Variants in RAD54L2 observed in about 807,000 individuals in gnomAD.
The protein encoded by RAD54L2 is RAD54 like 2.
Under a neutral mutation model 138.4 loss-of-function variants are expected in RAD54L2, and 27 were observed. The observed-to-expected ratio is 0.20, with a 90% confidence interval of 0.14 to 0.27. RAD54L2 has a LOEUF of 0.27. Among genes scored for constraint, RAD54L2 ranks in the 10% least tolerant of loss-of-function variants. The pLI is 1.00. For synonymous variants in RAD54L2, 644 were observed against 723.2 expected (o/e 0.89, Z 1.76); for missense variants, 1,396 against 1,890.2 (o/e 0.74, Z 4.85).
chr3:51,608,107 A>G (rs1367227326), intron 3 of RAD54L2, among the ~76,000 whole-genome samples: 185 of 149,784 alleles, frequency 1.2e-3, no homozygotes, highest in Non-Finnish European at 2.2e-3. Context: ...CTCACTTCTC[A>G]GACGGGGCGG....
At chr3:51,570,204 C>A (rs975007510) in intron 2 of RAD54L2, among the ~76,000 whole-genome samples, 1 of 137,930 alleles carries the variant, frequency 7.3e-6, no homozygotes, top group African/African-American at 2.8e-5. Flanking sequence ...AGTGCAGTGG[C>A]GCGATCTCAG....
intron 3 of RAD54L2, among the ~76,000 whole-genome samples, chr3:51,623,521 G>T (rs773246364): frequency 2.6e-4 from 40 of 152,274 alleles, no homozygotes; most frequent in Middle Eastern, 6.8e-3. Flanking sequence ...GCTCAGAGAA[G>T]TTGCATCCAT....
At chr3:51,604,002 A>G (rs1368202462) in intron 3 of RAD54L2, among the ~76,000 whole-genome samples, 4 of 152,242 alleles carry the variant, frequency 2.6e-5, no homozygotes, top group Non-Finnish European at 5.9e-5. Context: ...TAGGGAAACC[A>G]GCTAGGAAGA....
chr3:51,657,175 A>T (rs905920781), intron 20 of RAD54L2, among the ~76,000 whole-genome samples: 15 of 152,190 alleles, frequency 9.9e-5, no homozygotes, highest in African/African-American at 3.6e-4. Context: ...GTGTGGGGTA[A>T]TGCCAGCAAG....
At chr3:51,599,533 T>A (rs1048934183) in intron 3 of RAD54L2, among the ~76,000 whole-genome samples, 2 of 151,844 alleles carry the variant, frequency 1.3e-5, no homozygotes, top group African/African-American at 4.8e-5. Context: ...TGAAAAAAAA[T>A]AATCCAAGTA....
At chr3:51,589,580 T>A (rs1360501459) in intron 2 of RAD54L2, among the ~76,000 whole-genome samples, 1 of 151,632 alleles carries the variant, frequency 6.6e-6, no homozygotes, top group Non-Finnish European at 1.5e-5. Flanking sequence ...TGGGAAAAAT[T>A]TAAAATTTGA....
chr3:51,615,432 A>G (rs567961073), intron 3 of RAD54L2, among the ~76,000 whole-genome samples: 10 of 152,364 alleles, frequency 6.6e-5, no homozygotes, highest in South Asian at 6.2e-4. Context: ...ATAAATAAAC[A>G]TATTGAATAA....
Position 51,660,008 on chromosome 3 carries a change from C to T in RAD54L2, c.3317-18C>T. On this transcript the variant is annotated intron_variant, in intron 21 of 22. Transcript: ENST00000684192. ...TTATATGTCTGCCTCTAACTGTCTT[C>T]TTCGTGTCTATTCTTAGGGACGTAC... The T allele has an allele frequency of 6.4e-7, 1 of 1,558,992 alleles. No individual in the cohort carries two copies. Among genetic ancestry groups the T allele is most frequent in the Non-Finnish European group, 8.8e-7 (1 of 1,138,684 alleles).
At chr3:51,575,218 G>T (rs1390508956) in intron 2 of RAD54L2, among the ~76,000 whole-genome samples, 1 of 152,088 alleles carries the variant, frequency 6.6e-6, no homozygotes, top group African/African-American at 2.4e-5. Context: ...TCTCTGTTTT[G>T]GTACGGGTAC....
intron 2 of RAD54L2, among the ~76,000 whole-genome samples, chr3:51,571,808 C>G (rs573221295): frequency 2.7e-4 from 41 of 152,160 alleles, no homozygotes; most frequent in African/African-American, 8.9e-4. Flanking sequence ...TTATTTTCCA[C>G]TTATAGAAAT....
rs35274115 is a variant in RAD54L2 at position 51,586,567 on chromosome 3, CT to C, written c.-54-3782del. 5.7e-3 allele frequency among the ~76,000 whole-genome samples: 774 copies of C among 136,816 alleles called. 1 individual carries two copies. The highest frequency in any genetic ancestry group is 0.013 in the African/African-American group (470 of 37,564). 89.8% of individuals were successfully genotyped at this position (136,816 alleles called of 152,430 possible). ...AGCCAAGCACACTGCAAAGAAAACACTTTTTTTTTTTTTTTTTTGAGATGGA... is the reference window on the plus strand; with the variant it reads ...AGCCAAGCACACTGCAAAGAAAACACTTTTTTTTTTTTTTTTTGAGATGGA... On this transcript the variant is annotated intron_variant, in intron 2 of 22. Coordinates refer to ENST00000684192, the MANE Select transcript of RAD54L2 (RefSeq NM_015106.4).
At position 51,666,145 on chromosome 3, in the gene RAD54L2, T is replaced by C. The variant is rs1304523369; in HGVS notation, c.*2725T>C. On this transcript the variant is annotated 3_prime_UTR_variant, in exon 23 of 23. Coordinates refer to ENST00000684192, the MANE Select transcript of RAD54L2 (RefSeq NM_015106.4). ...GGGTTGGGGGTGGGATCATGGGAAA[T>C]TGGAGTGCTACCAGGTCCATGGTTT... 1 of 144,504 alleles carries C rather than the reference T, an allele frequency of 6.9e-6. No individual in the cohort carries two copies. The highest frequency in any genetic ancestry group is 1.5e-5 in the Non-Finnish European group (1 of 67,064). The allele number at this position is 144,504 out of a possible 1,614,324, so 9.0% of individuals were successfully genotyped here.
intron 3 of RAD54L2, among the ~76,000 whole-genome samples, chr3:51,607,881 C>T (rs1463365266): frequency 1.4e-5 from 2 of 139,452 alleles, no homozygotes; most frequent in South Asian, 2.4e-4. Context: ...GGCGGCCGGG[C>T]GGGGGCTGCC....
At chr3:51,578,120 AT>A (rs1043067947) in intron 2 of RAD54L2, among the ~76,000 whole-genome samples, 1 of 150,796 alleles carries the variant, frequency 6.6e-6, no homozygotes, top group African/African-American at 2.4e-5. Flanking sequence ...CCTTGTAGCT[AT>A]TTTTTCCCCC....
At chr3:51,602,544 A>G (rs1358447513) in intron 3 of RAD54L2, among the ~76,000 whole-genome samples, 1 of 152,164 alleles carries the variant, frequency 6.6e-6, no homozygotes, top group African/African-American at 2.4e-5. Context: ...GTCGGCTTGG[A>G]GTCGAAGTTG....
Position 51,592,054 on chromosome 3 carries a change from G to GTTTTTTTTTTTTTTTTTTTTTTT in RAD54L2, c.139+1502_139+1524dup, listed in dbSNP as rs71084151. Among the ~76,000 whole-genome samples the GTTTTTTTTTTTTTTTTTTTTTTT allele has an allele frequency of 3.0e-5, 2 of 66,824 alleles. 1 individual carries two copies. The highest frequency in any genetic ancestry group is 1.2e-4 in the African/African-American group (2 of 16,490). The allele number at this position is 66,824 out of a possible 152,430, so 43.8% of individuals were successfully genotyped here. On this transcript the variant is annotated intron_variant, in intron 3 of 22. Transcript: ENST00000684192. ...TGTAGCTGTGCAATTTGGTTTTGGTGTTTTTTTTTTTTTTTTTTTTTTTTT... is the reference window on the plus strand; with the variant it reads ...TGTAGCTGTGCAATTTGGTTTTGGTGTTTTTTTTTTTTTTTTTTTTTTTTTTTTTTTTTTTTTTTTTTTTTTTT...
chr3:51,622,746 T>C (rs1700593997), intron 3 of RAD54L2, among the ~76,000 whole-genome samples: 1 of 152,126 alleles, frequency 6.6e-6, no homozygotes. Flanking sequence ...GGGGTTGACT[T>C]CTGTACCAGC....
intron 2 of RAD54L2, among the ~76,000 whole-genome samples, chr3:51,554,126 CAA>C (rs1428869877): frequency 6.6e-6 from 1 of 152,032 alleles, no homozygotes; most frequent in Non-Finnish European, 1.5e-5. Flanking sequence ...TTTCCTATCA[CAA>C]AAGAGATCTC....
At chr3:51,604,507 G>C (rs1347115325) in intron 3 of RAD54L2, among the ~76,000 whole-genome samples, 2 of 152,180 alleles carry the variant, frequency 1.3e-5, no homozygotes, top group Non-Finnish European at 2.9e-5. Flanking sequence ...TGGTGGCTTA[G>C]AGCATGGACC....
Sources: gnomAD v4.1 joint callset for allele counts (sites outside exome capture counted in the v4.1 genomes callset) on GRCh38, gnomAD v4.1.1 for gene constraint, MANE v1.5 for transcripts, NCBI Gene and HGNC (gene_info 2026-07-23, HGNC 2026-07-21) for gene names.